The following SOX6 variants were observed in gnomAD, a reference collection of about 807,000 sequenced individuals.
The protein encoded by SOX6 is SRY-box transcription factor 6.
SOX6 carries 11 observed loss-of-function variants against 97.8 expected under a neutral mutation model. The observed-to-expected ratio is 0.11, with a 90% CI of 0.07 to 0.19. SOX6 has a LOEUF of 0.19. Ranked by LOEUF, SOX6 falls within the 10% of genes least tolerant of loss-of-function variation. The pLI is 1.00. For synonymous variants in SOX6, 360 were observed against 371.4 expected (o/e 0.97, Z 0.35); for missense variants, 810 against 1,039.5 (o/e 0.78, Z 3.04).
chr11:16,306,481 A>C (rs572481703), intron 3 of SOX6, among the ~76,000 whole-genome samples: 2 of 151,458 alleles, frequency 1.3e-5, no homozygotes, highest in East Asian at 3.9e-4. Flanking sequence ...GAGAGAATAC[A>C]AAGTTATTCT....
chr11:16,364,597 T>C (rs895432233), intron 1 of SOX6, among the ~76,000 whole-genome samples: 8 of 152,238 alleles, frequency 5.3e-5, no homozygotes, highest in African/African-American at 1.9e-4. Context: ...TGGATAATAA[T>C]ATTTACCCTG....
intron 3 of SOX6, chr11:16,317,878 C>A (rs567899563): frequency 3.4e-5 from 13 of 383,352 alleles, no homozygotes; most frequent in African/African-American, 2.7e-4. Flanking sequence ...GTACACGAAC[C>A]TGAGTGAACT....
intron 9 of SOX6, among the ~76,000 whole-genome samples, chr11:16,077,057 C>T (rs1848373062): frequency 6.6e-6 from 1 of 152,110 alleles, no homozygotes; most frequent in African/African-American, 2.4e-5. Flanking sequence ...CCGGCCGGTA[C>T]TACACATTTT....
intron 13 of SOX6, among the ~76,000 whole-genome samples, chr11:15,999,940 T>C (rs568323039): frequency 1.4e-4 from 21 of 152,278 alleles, no homozygotes; most frequent in African/African-American, 5.1e-4. Flanking sequence ...ATGTAGAAGG[T>C]GAAATTTTAA....
At chr11:16,262,238 G>T (rs1853923673) in intron 3 of SOX6, among the ~76,000 whole-genome samples, 2 of 152,060 alleles carry the variant, frequency 1.3e-5, no homozygotes, top group Non-Finnish European at 2.9e-5. Context: ...TAAATGGCAA[G>T]TCAAGCACAT....
intron 3 of SOX6, among the ~76,000 whole-genome samples, chr11:16,709,912 A>G (rs977155956): frequency 6.6e-6 from 1 of 152,208 alleles, no homozygotes; most frequent in African/African-American, 2.4e-5. Flanking sequence ...CCAGCCATCC[A>G]TTATCAATTC....
chr11:16,423,621 A>T (rs1859063744), intron 1 of SOX6, among the ~76,000 whole-genome samples: 1 of 152,218 alleles, frequency 6.6e-6, no homozygotes, highest in African/African-American at 2.4e-5. Context: ...CCTGTCAAAA[A>T]TAAAAAAGGC....
intron 4 of SOX6, among the ~76,000 whole-genome samples, chr11:16,552,160 G>A (rs1316345058): frequency 6.6e-6 from 1 of 151,214 alleles, no homozygotes; most frequent in African/African-American, 2.4e-5. Flanking sequence ...TAACATACAC[G>A]GCCCCCAAAA....
intron 9 of SOX6, among the ~76,000 whole-genome samples, chr11:16,067,544 A>C (rs1848122449): frequency 6.6e-6 from 1 of 152,184 alleles, no homozygotes; most frequent in African/African-American, 2.4e-5. Context: ...CTCTGAGTCC[A>C]TTAAACCTCT....
chr11:16,004,086 A>G (rs1291881341), intron 13 of SOX6, among the ~76,000 whole-genome samples: 2 of 151,874 alleles, frequency 1.3e-5, no homozygotes, highest in Non-Finnish European at 2.9e-5. Flanking sequence ...TATTCAAGTA[A>G]GCATACAATG....
At chr11:16,129,393 C>G (rs989133672) in intron 6 of SOX6, among the ~76,000 whole-genome samples, 1 of 152,068 alleles carries the variant, frequency 6.6e-6, no homozygotes, top group African/African-American at 2.4e-5. Flanking sequence ...CTGTGACATA[C>G]ATTAAAATCT....
At chr11:16,090,124 T>C (rs761989720) in intron 9 of SOX6, among the ~76,000 whole-genome samples, 10 of 152,138 alleles carry the variant, frequency 6.6e-5, no homozygotes, top group Non-Finnish European at 1.3e-4. Flanking sequence ...GAAATCTATG[T>C]AAATGTAATT....
chr11:16,523,998 A>G (rs1367237767), intron 4 of SOX6, among the ~76,000 whole-genome samples: 1 of 152,200 alleles, frequency 6.6e-6, no homozygotes, highest in African/African-American at 2.4e-5. Flanking sequence ...TCAATAGCTT[A>G]CCAACCAAAA....
chr11:16,680,822 A>C (rs1366803085), intron 3 of SOX6, among the ~76,000 whole-genome samples: 2 of 152,366 alleles, frequency 1.3e-5, no homozygotes, highest in East Asian at 1.9e-4. Flanking sequence ...GTCTCTGATA[A>C]AACAGACTTT....
intron 3 of SOX6, among the ~76,000 whole-genome samples, chr11:16,255,671 A>C (rs1471061826): frequency 6.6e-6 from 1 of 152,070 alleles, no homozygotes; most frequent in Non-Finnish European, 1.5e-5. Context: ...TTAGAAAACT[A>C]GAAAAAGAAG....
intron 3 of SOX6, among the ~76,000 whole-genome samples, chr11:16,670,431 G>C (rs1847839517): frequency 6.6e-6 from 1 of 152,128 alleles, no homozygotes; most frequent in Non-Finnish European, 1.5e-5. Flanking sequence ...ATGTTTCTTG[G>C]AGGGGTAGCC....
chr11:16,558,836 G>A (rs1391293228), intron 4 of SOX6, among the ~76,000 whole-genome samples: 1 of 151,960 alleles, frequency 6.6e-6, no homozygotes, highest in Non-Finnish European at 1.5e-5. Flanking sequence ...CAACTAAATA[G>A]CAGCTTTTTC....
At chr11:16,524,452 C>T (rs1861122964) in intron 4 of SOX6, among the ~76,000 whole-genome samples, 1 of 152,096 alleles carries the variant, frequency 6.6e-6, no homozygotes, top group African/African-American at 2.4e-5. Context: ...TAAAAACTCT[C>T]AATAAATTAG....
intron 3 of SOX6, among the ~76,000 whole-genome samples, chr11:16,703,140 T>C (rs1848107149): frequency 6.6e-6 from 1 of 151,838 alleles, no homozygotes; most frequent in Admixed American, 6.6e-5. Flanking sequence ...CATAGCATGG[T>C]TTACTACATG....
Sources: allele counts gnomAD v4.1 joint callset (sites outside exome capture counted in the v4.1 genomes callset), GRCh38; gene constraint gnomAD v4.1.1; transcripts MANE v1.5; gene names NCBI Gene and HGNC (gene_info 2026-07-23, HGNC 2026-07-21).